The following LINGO2 variants were observed in gnomAD, a reference collection of about 807,000 sequenced individuals.
LINGO2 encodes leucine-rich repeat and immunoglobulin-like domain-containing nogo receptor-interacting protein 2.
LINGO2 carries 14 observed loss-of-function variants against 30.6 expected under a neutral mutation model. That is an observed-to-expected ratio of 0.46 (90% CI 0.30 to 0.72). LINGO2 has a LOEUF of 0.72. Among genes scored for constraint, LINGO2 ranks in the 30% least tolerant of loss-of-function variants. The probability of loss-of-function intolerance (pLI) is 0.07; values close to 1 mark genes in which losing one functional copy is unlikely to be tolerated. For synonymous variants in LINGO2, 317 were observed against 288.5 expected (o/e 1.10, Z -1.00); for missense variants, 729 against 751.7 (o/e 0.97, Z 0.35).
intron 2 of LINGO2, among the ~76,000 whole-genome samples, chr9:28,376,481 CA>C: frequency 1.3e-5 from 2 of 152,298 alleles, no homozygotes; most frequent in Middle Eastern, 6.8e-3. Flanking sequence ...CACTTCGTGA[CA>C]AAGACTCACT....
At chr9:28,355,446 C>T (rs966943930) in intron 3 of LINGO2, among the ~76,000 whole-genome samples, 1 of 150,704 alleles carries the variant, frequency 6.6e-6, no homozygotes, top group South Asian at 2.1e-4. Context: ...CCAGAAATAA[C>T]ATTCGCCCCC....
chr9:28,622,422 C>T (rs1177953676), intron 1 of LINGO2, among the ~76,000 whole-genome samples: 2 of 150,998 alleles, frequency 1.3e-5, no homozygotes, highest in Non-Finnish European at 3.0e-5. Context: ...TTTTGGTTCC[C>T]AAAAATAAGT....
Position 28,459,862 on chromosome 9 carries a change from C to CA in LINGO2, c.-279+16077dup, listed in dbSNP as rs575359049. 5.9e-3 allele frequency among the ~76,000 whole-genome samples: 893 copies of CA among 152,094 alleles called. 13 individuals carry two copies. Among genetic ancestry groups the CA allele is most frequent in the African/African-American group, 0.02 (822 of 41,492 alleles). Reference sequence around the variant, plus strand: ...CAATATGTTTGCATATTGTTACTATCAAAAATCAGTCTTCTGAGATTGTAT... The same window carrying CA: ...CAATATGTTTGCATATTGTTACTATCAAAAAATCAGTCTTCTGAGATTGTAT... On this transcript the variant is annotated intron_variant, in intron 2 of 5. Transcript: ENST00000379992.
intron 2 of LINGO2, among the ~76,000 whole-genome samples, chr9:28,415,698 C>A (rs1822939641): frequency 6.6e-6 from 1 of 152,150 alleles, no homozygotes; most frequent in Non-Finnish European, 1.5e-5. Context: ...GTAACACTTT[C>A]TATAACAGCA....
the LINGO2 span, among the ~76,000 whole-genome samples, chr9:29,133,512 A>T: frequency 6.6e-6 from 1 of 152,164 alleles, no homozygotes; most frequent in Non-Finnish European, 1.5e-5. Context: ...AAAATAACTT[A>T]AGTGACTTGC....
chr9:28,642,837 A>G (rs1254857118), intron 1 of LINGO2, among the ~76,000 whole-genome samples: 4 of 152,140 alleles, frequency 2.6e-5, no homozygotes, highest in Non-Finnish European at 5.9e-5. Flanking sequence ...ACCATTTTAA[A>G]TTATTGTTAA....
intron 4 of LINGO2, among the ~76,000 whole-genome samples, chr9:28,089,981 C>T (rs555168392): frequency 6.6e-6 from 1 of 152,250 alleles, no homozygotes; most frequent in East Asian, 1.9e-4. Context: ...GGATAAATTC[C>T]TGGACATATA....
At chr9:28,187,226 C>A (rs1307018939) in intron 4 of LINGO2, among the ~76,000 whole-genome samples, 2 of 152,154 alleles carry the variant, frequency 1.3e-5, no homozygotes, top group African/African-American at 2.4e-5. Context: ...CGCAGTGGCT[C>A]ACACATGTAA....
At chr9:28,838,606 G>T in the LINGO2 span, among the ~76,000 whole-genome samples, 1 of 151,982 alleles carries the variant, frequency 6.6e-6, no homozygotes, top group African/African-American at 2.4e-5. Context: ...AATAATCTGG[G>T]GGTCATCTTT....
chr9:29,019,755 G>T, the LINGO2 span, among the ~76,000 whole-genome samples: 4 of 151,986 alleles, frequency 2.6e-5, no homozygotes, highest in Admixed American at 6.6e-5. Flanking sequence ...TGGAATACAA[G>T]AAAATATTTT....
chr9:28,357,835 T>A (rs1820289361), intron 3 of LINGO2, among the ~76,000 whole-genome samples: 1 of 152,110 alleles, frequency 6.6e-6, no homozygotes, highest in South Asian at 2.1e-4. Flanking sequence ...GTGCATGGAT[T>A]TTTCATTCAT....
At chr9:28,953,062 T>C in the LINGO2 span, among the ~76,000 whole-genome samples, 1 of 152,156 alleles carries the variant, frequency 6.6e-6, no homozygotes, top group African/African-American at 2.4e-5. Context: ...GGATAAACAA[T>C]GACTGGCCAT....
the LINGO2 span, among the ~76,000 whole-genome samples, chr9:28,866,356 C>T: frequency 6.6e-6 from 1 of 152,134 alleles, no homozygotes; most frequent in East Asian, 1.9e-4. Context: ...TGGTCAACAT[C>T]TCTGTTAATA....
chr9:28,553,027 T>C lies in LINGO2; in HGVS notation c.-364-77002A>G, dbSNP rs189739431. ...TATTGTTTGTTTGTTTTAGTCTCTT[T>C]GGTATAACATGCTTTCTTCAAATAT... is the stretch of plus-strand genomic sequence containing the variant. On this transcript the variant is annotated intron_variant, in intron 1 of 5. Transcript: ENST00000379992. Among the ~76,000 whole-genome samples the C allele has an allele frequency of 2.1e-4, 32 of 152,162 alleles. No individual in the cohort carries two copies. In the East Asian group the frequency reaches 5.8e-3, roughly 28 times the overall value.
At chr9:28,152,224 T>A (rs1828019699) in intron 4 of LINGO2, among the ~76,000 whole-genome samples, 1 of 152,034 alleles carries the variant, frequency 6.6e-6, no homozygotes. Context: ...GGTTCAGGGT[T>A]TGGGGAGGCA....
chr9:28,152,465 A>C (rs1828027741), intron 4 of LINGO2, among the ~76,000 whole-genome samples: 1 of 152,130 alleles, frequency 6.6e-6, no homozygotes, highest in Admixed American at 6.6e-5. Context: ...GGCAGCCAAC[A>C]AACCTCTTTT....
the LINGO2 span, among the ~76,000 whole-genome samples, chr9:29,111,938 A>G: frequency 9.4e-4 from 63 of 66,828 alleles, no homozygotes; most frequent in African/African-American, 3.5e-3. Context: ...TGTATATATA[A>G]TGTATTTAAT....
At chr9:28,876,004 C>A in the LINGO2 span, among the ~76,000 whole-genome samples, 3 of 151,940 alleles carry the variant, frequency 2.0e-5, no homozygotes, top group Non-Finnish European at 4.4e-5. Context: ...CAAAAAAAAT[C>A]AACTAACAAT....
At chr9:29,056,555 T>A in the LINGO2 span, among the ~76,000 whole-genome samples, 1 of 152,220 alleles carries the variant, frequency 6.6e-6, no homozygotes. Context: ...CTGTTTATCC[T>A]GCTGATTATT....
Sources: gnomAD v4.1 joint callset for allele counts (sites outside exome capture counted in the v4.1 genomes callset) on GRCh38, gnomAD v4.1.1 for gene constraint, MANE v1.5 for transcripts, NCBI Gene and HGNC (gene_info 2026-07-23, HGNC 2026-07-21) for gene names.